The following FAHD1 variants were observed in gnomAD, a reference collection of about 807,000 sequenced individuals.
FAHD1 encodes the protein oxaloacetate tautomerase FAHD1, mitochondrial.
Under a neutral mutation model 12.7 loss-of-function variants are expected in FAHD1, and 14 were observed. That is an observed-to-expected ratio of 1.10 (90% CI 0.73 to 1.72). The LOEUF (loss-of-function observed/expected upper bound fraction) is 1.72, where lower values mean the gene tolerates loss of function less well. Ranked by LOEUF, FAHD1 falls within the 40% of genes most tolerant of loss-of-function variation. The pLI is 0.00. For missense variants in FAHD1, 351 were observed against 298.9 expected, an observed-to-expected ratio of 1.17 and a Z score of -1.29; for synonymous variants, 153 against 124.9, an observed-to-expected ratio of 1.22 and a Z score of -1.50.
At position 1,839,360 on chromosome 16, in the gene FAHD1, A is replaced by G. The variant is rs776748763; in HGVS notation, c.*107A>G. 8 of 1,614,110 alleles carry G rather than the reference A, an allele frequency of 5.0e-6. No homozygotes were observed. The African/African-American group carries it at 1.1e-4, about 22-fold the overall frequency. On this transcript the variant is annotated 3_prime_UTR_variant, in exon 3 of 3. Coordinates refer to the FAHD1 transcript ENST00000382666. Reference sequence around the variant, plus strand: ...TCAGCACATGGAAACTGAGAAAGACAGATTTAAAGTCCAAGGAGTTTTTGT... The same window carrying G: ...TCAGCACATGGAAACTGAGAAAGACGGATTTAAAGTCCAAGGAGTTTTTGT...
intron 2 of FAHD1, among the ~76,000 whole-genome samples, chr16:1,838,691 GTTTTTT>G (rs879708755): frequency 6.7e-6 from 1 of 148,406 alleles, no homozygotes; most frequent in Non-Finnish European, 1.5e-5. Context: ...TTAGTGTTTT[GTTTTTT>G]TTTTAATTAT....
chr16:1,837,948 A>G, intron 1 of FAHD1: 1 of 1,451,366 alleles, frequency 6.9e-7, no homozygotes. Flanking sequence ...GTGTGAAACA[A>G]ACTTTCTCAT....
downstream of FAHD1, among the ~76,000 whole-genome samples, chr16:1,831,525 G>C (rs530170458): frequency 6.6e-6 from 1 of 152,286 alleles, no homozygotes; most frequent in Admixed American, 6.5e-5. Context: ...CCTCATAGAA[G>C]CTGAGGGACT....
At chr16:1,839,484 C>T in exon 3 of FAHD1, 1 of 1,506,074 alleles carries the variant, frequency 6.6e-7, no homozygotes, top group Non-Finnish European at 9.0e-7. Flanking sequence ...CCCTAAGCTA[C>T]AAATTTCATC....
chr16:1,828,653 A>T, exon 1 of FAHD1: 1 of 957,548 alleles, frequency 1.0e-6, no homozygotes, highest in Non-Finnish European at 1.3e-6. Context: ...TTACTGGCCC[A>T]TCTCGGACTT....
At chr16:1,836,899 G>C (rs1264774431) in intron 1 of FAHD1, among the ~76,000 whole-genome samples, 1 of 152,180 alleles carries the variant, frequency 6.6e-6, no homozygotes, top group African/African-American at 2.4e-5. Context: ...AGTATCAGTA[G>C]ATATAACCAC....
chr16:1,830,263 A>T (rs1333302501), downstream of FAHD1, among the ~76,000 whole-genome samples: 1 of 152,248 alleles, frequency 6.6e-6, no homozygotes, highest in Non-Finnish European at 1.5e-5. Context: ...CATGGATTGC[A>T]TAAGATTCTG....
downstream of FAHD1, among the ~76,000 whole-genome samples, chr16:1,833,233 C>A (rs1420158378): frequency 6.6e-6 from 1 of 152,158 alleles, no homozygotes; most frequent in East Asian, 1.9e-4. Context: ...AGCTGTCGTC[C>A]TCATGTCCTG....
chr16:1,827,829 A>C, exon 1 of FAHD1: 1 of 1,614,156 alleles, frequency 6.2e-7, no homozygotes, highest in Non-Finnish European at 8.5e-7. Flanking sequence ...GACCGGTTAA[A>C]GAAAACGATG....
chr16:1,830,720 GA>G (rs377527238), downstream of FAHD1, among the ~76,000 whole-genome samples: 7 of 152,166 alleles, frequency 4.6e-5, no homozygotes, highest in African/African-American at 1.4e-4. Flanking sequence ...CTAGCATTCA[GA>G]AGATAACGTT....
At chr16:1,837,928 T>G in intron 1 of FAHD1, 1 of 1,458,680 alleles carries the variant, frequency 6.9e-7, no homozygotes, top group Non-Finnish European at 9.1e-7. Context: ...AAAATTCATT[T>G]TTGACAACAG....
exon 1 of FAHD1, chr16:1,828,704 G>A (rs1228062900): frequency 3.2e-6 from 3 of 926,892 alleles, no homozygotes; most frequent in African/African-American, 3.6e-5. Flanking sequence ...GTGAAGCTGT[G>A]TTTACAGGGC....
chr16:1,829,049 A>G, downstream of FAHD1: 1 of 440,222 alleles, frequency 2.3e-6, no homozygotes, highest in Non-Finnish European at 3.1e-6. Context: ...CAGCAACTGT[A>G]CTTCCCAACC....
At chr16:1,838,503 A>G (rs1219531997) in intron 2 of FAHD1, among the ~76,000 whole-genome samples, 1 of 152,142 alleles carries the variant, frequency 6.6e-6, no homozygotes, top group African/African-American at 2.4e-5. Flanking sequence ...GCTAATCCCT[A>G]AGTATCTGCT....
chr16:1,839,241 T>A, intron 2 of FAHD1: 3 of 1,558,998 alleles, frequency 1.9e-6, no homozygotes, highest in Non-Finnish European at 2.6e-6. Flanking sequence ...CATTTCTTCC[T>A]TTTTGCTATT....
intron 1 of FAHD1, chr16:1,837,754 GAAT>G: frequency 9.1e-7 from 1 of 1,097,500 alleles, no homozygotes. Flanking sequence ...TAAATATATA[GAAT>G]AATATGGGAC....
At chr16:1,833,997 ATC>A (rs1299459349) in intron 1 of FAHD1, 9 of 329,478 alleles carry the variant, frequency 2.7e-5, no homozygotes, top group Non-Finnish European at 4.9e-5. Context: ...AGAAGATTAA[ATC>A]TGTTTATTAA....
At chr16:1,837,637 G>T in intron 1 of FAHD1, 1 of 484,068 alleles carries the variant, frequency 2.1e-6, no homozygotes, top group Non-Finnish European at 3.7e-6. Flanking sequence ...TATTTCCTTT[G>T]CTTTTAGGAT....
downstream of FAHD1, among the ~76,000 whole-genome samples, chr16:1,831,688 G>A (rs777504780): frequency 4.6e-5 from 7 of 152,092 alleles, no homozygotes; most frequent in Non-Finnish European, 7.4e-5. Flanking sequence ...CTACCAGCCC[G>A]TGGCCTGTTA....
Sources: allele counts gnomAD v4.1 joint callset (sites outside exome capture counted in the v4.1 genomes callset), GRCh38; gene constraint gnomAD v4.1.1; transcripts MANE v1.5; gene names NCBI Gene and HGNC (gene_info 2026-07-23, HGNC 2026-07-21).